DDX54: variants seen among roughly 807,000 people sequenced by gnomAD.
The protein encoded by DDX54 is DEAD-box helicase 54.
A neutral mutation model predicts 105.5 loss-of-function variants in DDX54; 67 were observed. That is an observed-to-expected ratio of 0.64 (90% CI 0.52 to 0.78). DDX54 has a LOEUF of 0.78. Ranked by LOEUF, DDX54 falls within the 30% of genes least tolerant of loss-of-function variation. The probability of loss-of-function intolerance (pLI) is 0.00; values close to 1 mark genes in which losing one functional copy is unlikely to be tolerated. For synonymous variants in DDX54, 514 were observed against 509.9 expected (o/e 1.01, Z -0.11); for missense variants, 1,206 against 1,230.5 (o/e 0.98, Z 0.30).
chr12:113,181,462 T>A (rs1370564064), intron 1 of DDX54, among the ~76,000 whole-genome samples: 1 of 151,502 alleles, frequency 6.6e-6, no homozygotes, highest in Non-Finnish European at 1.5e-5. Flanking sequence ...CTGGCTAATT[T>A]TTTTATTTTG....
intron 11 of DDX54, 94 bp downstream of exon 11, chr12:113,172,259 C>G (rs1326817201): frequency 7.2e-7 from 1 of 1,396,800 alleles, no homozygotes; most frequent in African/African-American, 1.4e-5. Flanking sequence ...CACAGCCACC[C>G]CATGTGCAGT....
chr12:113,165,545 AC>A, intron 14 of DDX54, 98 bp downstream of exon 14: 9 of 1,298,382 alleles, frequency 6.9e-6, no homozygotes, highest in Non-Finnish European at 9.3e-6. Flanking sequence ...GAGTCCTGGC[AC>A]CACCGTTGTC....
rs765032956 is a variant in DDX54 at position 113,176,905 on chromosome 12, A to G, written c.687T>C (p.His229=). 3 of 1,614,060 alleles carry G rather than the reference A, an allele frequency of 1.9e-6. No homozygotes were observed. The highest frequency in any genetic ancestry group is 2.2e-5 in the East Asian group (1 of 44,888). ...GCTTCAGGCTCATTTCCACAGCCAC[A>G]TGCACCAACCGTCCGGGCGTGGCAA... ...IIIATPGRLV[H]VAVEMSLKLQ... Residue 229 remains histidine, a synonymous_variant, in exon 7 of 20, where the codon CAT becomes CAC. Transcript: ENST00000306014.
intron 11 of DDX54, among the ~76,000 whole-genome samples, chr12:113,170,431 A>G (rs1302143187): frequency 6.6e-6 from 1 of 152,212 alleles, no homozygotes; most frequent in African/African-American, 2.4e-5. Flanking sequence ...ACTTGAGGCC[A>G]GGAGTTCGAG....
At chr12:113,172,600 G>T in intron 10 of DDX54, 37 bp from the exon 11 acceptor site, 1 of 1,606,074 alleles carries the variant, frequency 6.2e-7, no homozygotes, top group South Asian at 1.1e-5. Flanking sequence ...GTGAGAAGGA[G>T]ACTTGGAGGA....
At chr12:113,181,478 A>ATT (rs200981259) in intron 1 of DDX54, among the ~76,000 whole-genome samples, 5 of 141,966 alleles carry the variant, frequency 3.5e-5, no homozygotes, top group African/African-American at 7.6e-5. Flanking sequence ...TTTTGTATTT[A>ATT]TTTTTTTTTT....
intron 1 of DDX54, among the ~76,000 whole-genome samples, chr12:113,182,432 A>G (rs1422308544): frequency 6.6e-6 from 1 of 152,218 alleles, no homozygotes; most frequent in Non-Finnish European, 1.5e-5. Flanking sequence ...AAACCTAAAA[A>G]AAAGATTTAC....
At chr12:113,181,152 A>AT in intron 1 of DDX54, 94 bp from the exon 2 acceptor site, 1 of 1,417,976 alleles carries the variant, frequency 7.1e-7, no homozygotes, top group Non-Finnish European at 9.3e-7. Context: ...TCTCTCCCCC[A>AT]TTCAAGCCAA....
chr12:113,179,459 C>T (rs564832402), intron 3 of DDX54, 128 bp from the exon 4 acceptor site: 2 of 1,059,688 alleles, frequency 1.9e-6, no homozygotes, highest in South Asian at 1.5e-5. Flanking sequence ...CGTCACCCAG[C>T]CCTGAGCCTA....
chr12:113,179,891 T>C (rs1243669338), intron 3 of DDX54, 44 bp downstream of exon 3: 2 of 1,601,636 alleles, frequency 1.2e-6, no homozygotes, highest in East Asian at 4.5e-5. Context: ...GAGGGCCATG[T>C]CACTCCTCCC....
At chr12:113,166,698 T>C (rs547050348) in intron 12 of DDX54, among the ~76,000 whole-genome samples, 2 of 151,874 alleles carry the variant, frequency 1.3e-5, no homozygotes, top group South Asian at 2.1e-4. Flanking sequence ...CAAGACTTTG[T>C]CTCTCTTAAA....
In DDX54 at chr12:113,157,496, G is replaced by C. The variant is rs1013950068; in HGVS notation, c.*1381C>G. ...ATCATCACTGTTCTTTTAATGAGGG[G>C]ATCTCCAGTCCCCGCCCTACCTTTC... On this transcript the variant is annotated 3_prime_UTR_variant, in exon 20 of 20. Coordinates refer to ENST00000306014, the MANE Select transcript of DDX54 (RefSeq NM_024072.4). The C allele has an allele frequency of 1.2e-6, 1 of 822,118 alleles. No homozygotes were observed. Among genetic ancestry groups the C allele is most frequent in the Non-Finnish European group, 2.0e-6 (1 of 503,092 alleles). 50.9% of individuals were successfully genotyped at this position (822,118 alleles called of 1,614,324 possible).
chr12:113,175,255 A>G (rs1952390178), intron 7 of DDX54, 98 bp from the exon 8 acceptor site: 1 of 1,467,126 alleles, frequency 6.8e-7, no homozygotes, highest in Non-Finnish European at 9.0e-7. Flanking sequence ...GCAGTGTCCC[A>G]GGGCTTGCCT....
chr12:113,161,210 T>TC, intron 19 of DDX54, 60 bp downstream of exon 19: 1 of 1,422,610 alleles, frequency 7.0e-7, no homozygotes, highest in Non-Finnish European at 9.7e-7. Flanking sequence ...AGCGTTACCC[T>TC]AATCTGACCA....
intron 10 of DDX54, among the ~76,000 whole-genome samples, chr12:113,173,991 T>C (rs1046801771): frequency 6.6e-6 from 1 of 152,096 alleles, no homozygotes; most frequent in Non-Finnish European, 1.5e-5. Flanking sequence ...AAGACCCACC[T>C]GGCCAACACG....
chr12:113,179,965 C>T lies in DDX54; in HGVS notation c.345G>A (p.Gly115=), dbSNP rs1952446913. ...TCTGGATGGGTGTTGGCACCTTGTACCCCTTCTTCATGATGCCTTTGAACA... is the reference window on the plus strand; with the variant it reads ...TCTGGATGGGTGTTGGCACCTTGTATCCCTTCTTCATGATGCCTTTGAACA... ...YPVFKGIMKK[G]YKVPTPIQRK... is the part of the protein sequence containing the mutation. Residue 115 remains glycine (G), a synonymous_variant, in exon 3 of 20, where the codon GGG becomes GGA. Transcript: ENST00000306014. 6.2e-7 allele frequency: 1 copy of T among 1,614,122 alleles called. No individual in the cohort carries two copies.
chr12:113,173,554 G>A (rs1952362677), intron 10 of DDX54, among the ~76,000 whole-genome samples: 1 of 152,116 alleles, frequency 6.6e-6, no homozygotes, highest in African/African-American at 2.4e-5. Context: ...GGGGCACAGC[G>A]ACTCCCCAGG....
intron 2 of DDX54, among the ~76,000 whole-genome samples, chr12:113,180,348 T>C (rs927153725): frequency 1.3e-5 from 2 of 152,090 alleles, no homozygotes; most frequent in African/African-American, 4.8e-5. Context: ...ACAATGAGGA[T>C]GTCTGGAATG....
rs748889934 is a variant in DDX54, at chr12:113,169,751, C to T, written c.1414+19G>A. On this transcript the variant is annotated intron_variant, in intron 12 of 19. Transcript: ENST00000306014. ...ATGAACTCCACGGGGACCCCTATCC[C>T]CACCCAGCCTCCACTCACCTGAGGG... 6.2e-6 allele frequency: 10 copies of T among 1,612,448 alleles called. No homozygotes were observed. The highest frequency in any genetic ancestry group is 2.7e-5 in the African/African-American group (2 of 74,920).
Sources: allele counts gnomAD v4.1 joint callset (sites outside exome capture counted in the v4.1 genomes callset), GRCh38; gene constraint gnomAD v4.1.1; transcripts MANE v1.5; gene names NCBI Gene and HGNC (gene_info 2026-07-23, HGNC 2026-07-21).